MALRD1: variants seen among roughly 807,000 people sequenced by gnomAD.
MALRD1 encodes MAM and LDL-receptor class A domain-containing protein 1.
MALRD1 carries 247 observed loss-of-function variants against 242.1 expected under a neutral mutation model. The observed-to-expected ratio is 1.02, with a 90% CI of 0.92 to 1.13. MALRD1 has a LOEUF of 1.13. Ranked by LOEUF, MALRD1 falls within the 50% of genes most tolerant of loss-of-function variation. The pLI, the probability that MALRD1 is intolerant of heterozygous loss-of-function variation, is 0.00. For missense variants in MALRD1, 2,989 were observed against 2,533.1 expected (o/e 1.18, Z -3.86); for synonymous variants, 995 against 866.6 (o/e 1.15, Z -2.60).
intron 33 of MALRD1, among the ~76,000 whole-genome samples, chr10:19,567,995 G>A (rs971812770): frequency 6.6e-6 from 1 of 152,042 alleles, no homozygotes; most frequent in Non-Finnish European, 1.5e-5. Flanking sequence ...ATTCCCAAAG[G>A]TTCACAAGAA....
intron 28 of MALRD1, among the ~76,000 whole-genome samples, chr10:19,400,346 G>C (rs935938664): frequency 6.6e-6 from 1 of 152,170 alleles, no homozygotes; most frequent in Admixed American, 6.6e-5. Flanking sequence ...CATGGAATGA[G>C]TTTGAATTCA....
At chr10:19,465,894 C>G (rs1435643849) in intron 29 of MALRD1, among the ~76,000 whole-genome samples, 1 of 152,136 alleles carries the variant, frequency 6.6e-6, no homozygotes, top group Non-Finnish European at 1.5e-5. Context: ...TTCTTATAAT[C>G]CCACCACTCC....
At chr10:19,368,552 G>T (rs117731323) in intron 26 of MALRD1, among the ~76,000 whole-genome samples, 1,563 of 152,182 alleles carry the variant, frequency 0.01, 13 homozygotes, top group Admixed American at 0.018. Flanking sequence ...TTGGTAGTGT[G>T]ATGCCTGCAG....
At chr10:19,613,540 C>T (rs1215847482) in intron 35 of MALRD1, among the ~76,000 whole-genome samples, 1 of 151,970 alleles carries the variant, frequency 6.6e-6, no homozygotes, top group Non-Finnish European at 1.5e-5. Flanking sequence ...CTACCCCCAA[C>T]CCCACCCTAA....
At chr10:19,125,697 C>CTCTA (rs1837263508) in intron 7 of MALRD1, among the ~76,000 whole-genome samples, 2 of 151,644 alleles carry the variant, frequency 1.3e-5, no homozygotes. Context: ...ACCTAAAGTG[C>CTCTA]TCTACTATTT....
intron 33 of MALRD1, among the ~76,000 whole-genome samples, chr10:19,574,061 CAAAAT>C (rs1342953720): frequency 6.6e-6 from 1 of 152,074 alleles, no homozygotes. Flanking sequence ...AGGTGCCAAA[CAAAAT>C]AAAGAATAAA....
intron 30 of MALRD1, among the ~76,000 whole-genome samples, chr10:19,496,280 G>T (rs1837717983): frequency 1.3e-5 from 2 of 152,134 alleles, no homozygotes; most frequent in African/African-American, 4.8e-5. Flanking sequence ...CTTATTGCCA[G>T]ATGGCACATA....
intron 32 of MALRD1, 21 bp from the exon 33 acceptor site, chr10:19,567,481 A>AT: frequency 1.3e-6 from 2 of 1,543,626 alleles, no homozygotes; most frequent in East Asian, 2.4e-5. Flanking sequence ...ATAAAAAGTT[A>AT]TTTTTTAATG....
In MALRD1 at chr10:19,734,443, C is replaced by T. The variant is rs1338536691; in HGVS notation, c.*206C>T. On this transcript the variant is annotated 3_prime_UTR_variant, in exon 40 of 40. Coordinates refer to ENST00000454679, the MANE Select transcript of MALRD1 (RefSeq NM_001142308.3). The stretch of plus-strand genomic sequence containing the variant: ...GAATCAGTACCTTATCTTCACTGAA[C>T]ATCTGAATATTTTAATAAAATTTCT... The T allele has an allele frequency of 5.4e-6, 2 of 367,466 alleles. No individual in the cohort carries two copies. The highest frequency in any genetic ancestry group is 9.6e-6 in the Non-Finnish European group (2 of 207,506). The allele number at this position is 367,466 out of a possible 1,614,324, so 22.8% of individuals were successfully genotyped here. A position where few individuals can be genotyped will look rare whatever the true frequency, so the allele number is the denominator to read the frequency against.
intron 36 of MALRD1, among the ~76,000 whole-genome samples, chr10:19,662,119 A>T (rs978882308): frequency 7.2e-5 from 11 of 152,272 alleles, no homozygotes; most frequent in Non-Finnish European, 1.5e-4. Context: ...ATTATGTACT[A>T]TTCTAAGTCC....
At position 19,352,033 on chromosome 10, in the gene MALRD1, A is replaced by G. The variant is rs769497100; in HGVS notation, c.4177A>G (p.Asn1393Asp). Reference protein sequence around the residue: ...KIIFHYHMYGNGIGALTLMQV... With the variant: ...KIIFHYHMYGDGIGALTLMQV... ...TATTTTTCATTATCACATGTATGGA[A>G]ATGGCATTGGGGCACTCACCTTAAT... The change falls in exon 26 of 40, where the codon AAT becomes GAT. Residue 1393 changes from asparagine to aspartate, a missense_variant. By Grantham distance (23) the Asn-to-Asp change is conservative. Transcript: ENST00000454679. 3.4e-5 allele frequency: 52 copies of G among 1,549,506 alleles called. No homozygotes were observed. In the South Asian group the frequency reaches 5.7e-4, roughly 17 times the overall value.
chr10:19,229,799 G>GT (rs1262668030), intron 18 of MALRD1, among the ~76,000 whole-genome samples: 1 of 152,134 alleles, frequency 6.6e-6, no homozygotes, highest in Non-Finnish European at 1.5e-5. Context: ...TGTTCCCAGA[G>GT]TTTTTTGATG....
chr10:19,697,976 T>C (rs1833453994), intron 38 of MALRD1, among the ~76,000 whole-genome samples: 1 of 152,178 alleles, frequency 6.6e-6, no homozygotes, highest in Non-Finnish European at 1.5e-5. Flanking sequence ...TCTCCATAGA[T>C]GTCATTCATT....
chr10:19,660,366 A>G (rs1589370722), intron 36 of MALRD1, among the ~76,000 whole-genome samples: 1 of 152,180 alleles, frequency 6.6e-6, no homozygotes, highest in Non-Finnish European at 1.5e-5. Flanking sequence ...AACCAAACCT[A>G]TTCAAACCTG....
intron 31 of MALRD1, among the ~76,000 whole-genome samples, chr10:19,504,432 C>T (rs1838105837): frequency 7.1e-6 from 1 of 141,640 alleles, no homozygotes; most frequent in African/African-American, 2.9e-5. Context: ...AGAGAGACTC[C>T]CCTACTTCTA....
At chr10:19,714,470 G>T (rs1281932343) in intron 38 of MALRD1, among the ~76,000 whole-genome samples, 1 of 152,086 alleles carries the variant, frequency 6.6e-6, no homozygotes, top group African/African-American at 2.4e-5. Flanking sequence ...TGTCTGCTAG[G>T]GTCTCGGGGT....
intron 15 of MALRD1, 25 bp from the exon 16 acceptor site, chr10:19,204,283 T>TTG: frequency 1.2e-6 from 1 of 847,960 alleles, no homozygotes; most frequent in South Asian, 2.4e-5. Context: ...AATGAAGCGT[T>TTG]TTTTTTTTTT....
intron 34 of MALRD1, among the ~76,000 whole-genome samples, chr10:19,606,780 T>C (rs1227877448): frequency 6.6e-6 from 1 of 152,048 alleles, no homozygotes; most frequent in Non-Finnish European, 1.5e-5. Context: ...GCAAGCAGGA[T>C]AACAGAGGAA....
chr10:19,659,110 C>G (rs1841303496), intron 36 of MALRD1, among the ~76,000 whole-genome samples: 1 of 152,150 alleles, frequency 6.6e-6, no homozygotes, highest in Non-Finnish European at 1.5e-5. Flanking sequence ...AGAGCTCTTC[C>G]TATTTCAGTC....
Sources: allele counts gnomAD v4.1 joint callset (sites outside exome capture counted in the v4.1 genomes callset), GRCh38; gene constraint gnomAD v4.1.1; transcripts MANE v1.5; gene names NCBI Gene and HGNC (gene_info 2026-07-23, HGNC 2026-07-21).